UNC13C: variants seen among roughly 807,000 people sequenced by gnomAD.
UNC13C encodes the protein protein unc-13 homolog C.
UNC13C carries 174 observed loss-of-function variants against 245.4 expected under a neutral mutation model. The observed-to-expected ratio is 0.71, with a 90% CI of 0.63 to 0.80. The LOEUF (loss-of-function observed/expected upper bound fraction) is 0.80, where lower values mean the gene tolerates loss of function less well. Among genes scored for constraint, UNC13C ranks in the 30% least tolerant of loss-of-function variants. The probability of loss-of-function intolerance (pLI) is 0.00; values close to 1 mark genes in which losing one functional copy is unlikely to be tolerated. For synonymous variants in UNC13C, 992 were observed against 895.1 expected (o/e 1.11, Z -1.93); for missense variants, 2,829 against 2,602.9 (o/e 1.09, Z -1.89).
chr15:54,481,374 C>G (rs1307620731), intron 19 of UNC13C, among the ~76,000 whole-genome samples: 1 of 151,938 alleles, frequency 6.6e-6, no homozygotes, highest in Non-Finnish European at 1.5e-5. Flanking sequence ...GAGAAACACA[C>G]TTGGGTGCAG....
At chr15:54,310,159 A>G (rs1008348034) in intron 13 of UNC13C, among the ~76,000 whole-genome samples, 2 of 151,594 alleles carry the variant, frequency 1.3e-5, no homozygotes, top group African/African-American at 4.8e-5. Context: ...TGAGTCAGTC[A>G]TTTTTAATTA....
chr15:54,436,098 G>A (rs1298261594), intron 19 of UNC13C, among the ~76,000 whole-genome samples: 1 of 152,012 alleles, frequency 6.6e-6, no homozygotes, highest in Non-Finnish European at 1.5e-5. Flanking sequence ...ATGCTGGAGA[G>A]GATGTGGAGA....
the UNC13C span, among the ~76,000 whole-genome samples, chr15:53,959,891 C>G: frequency 6.6e-6 from 1 of 152,126 alleles, no homozygotes; most frequent in Non-Finnish European, 1.5e-5. Context: ...ATTGAAGAAG[C>G]AGATTTTTAC....
chr15:53,921,675 C>T, the UNC13C span, among the ~76,000 whole-genome samples: 3 of 152,174 alleles, frequency 2.0e-5, no homozygotes, highest in Admixed American at 6.5e-5. Context: ...TGCCCTTACC[C>T]TCTGGCATGG....
At chr15:54,375,849 G>A (rs766675658) in intron 17 of UNC13C, among the ~76,000 whole-genome samples, 5 of 152,156 alleles carry the variant, frequency 3.3e-5, no homozygotes, top group Non-Finnish European at 7.3e-5. Context: ...AGCTGTGCCT[G>A]GACTCTTGAC....
chr15:54,500,715 A>G, intron 21 of UNC13C, 120 bp from the exon 22 acceptor site: 1 of 785,012 alleles, frequency 1.3e-6, no homozygotes, highest in Admixed American at 2.9e-5. Flanking sequence ...TAAGCATTTT[A>G]TTACTGGGAA....
chr15:53,922,057 G>A, the UNC13C span, among the ~76,000 whole-genome samples: 1 of 152,170 alleles, frequency 6.6e-6, no homozygotes, highest in South Asian at 2.1e-4. Flanking sequence ...TAGCATTTAT[G>A]TTTGTAAGCA....
intron 2 of UNC13C, among the ~76,000 whole-genome samples, chr15:54,071,929 C>T (rs1346204858): frequency 6.6e-6 from 1 of 152,138 alleles, no homozygotes; most frequent in Admixed American, 6.5e-5. Context: ...TCTCTGGCTC[C>T]TCACTTGGTT....
intron 19 of UNC13C, among the ~76,000 whole-genome samples, chr15:54,463,799 C>T (rs112289514): frequency 1.3e-5 from 2 of 152,018 alleles, no homozygotes; most frequent in South Asian, 2.1e-4. Flanking sequence ...GTAGGATGCT[C>T]GTCAAAAGGC....
chr15:54,046,478 A>T (rs1897041853), intron 2 of UNC13C, among the ~76,000 whole-genome samples: 1 of 152,158 alleles, frequency 6.6e-6, no homozygotes, highest in African/African-American at 2.4e-5. Context: ...TTTATTGTGA[A>T]TGAAATCAAT....
At chr15:54,005,904 G>T (rs1369106095) in intron 1 of UNC13C, among the ~76,000 whole-genome samples, 1 of 152,130 alleles carries the variant, frequency 6.6e-6, no homozygotes, top group Admixed American at 6.6e-5. Flanking sequence ...GAAATTAGAT[G>T]GGATATTTAA....
chr15:54,011,056 A>T (rs1595709615), intron 1 of UNC13C, among the ~76,000 whole-genome samples: 2 of 152,188 alleles, frequency 1.3e-5, no homozygotes, highest in Admixed American at 6.5e-5. Context: ...GAGTTTAAAC[A>T]TAATTTTTAC....
intron 19 of UNC13C, among the ~76,000 whole-genome samples, chr15:54,451,812 G>A (rs542898936): frequency 2.6e-5 from 4 of 152,124 alleles, no homozygotes; most frequent in African/African-American, 7.2e-5. Context: ...TTTTTTGGAA[G>A]TGTCATATTT....
chr15:54,139,066 T>A (rs575458985), intron 2 of UNC13C, among the ~76,000 whole-genome samples: 1 of 149,294 alleles, frequency 6.7e-6, no homozygotes, highest in Non-Finnish European at 1.5e-5. Context: ...TTCAAGCGAT[T>A]CTTGTGCCTC....
intron 4 of UNC13C, among the ~76,000 whole-genome samples, chr15:54,200,029 G>A (rs1441444142): frequency 2.6e-5 from 4 of 151,984 alleles, no homozygotes; most frequent in African/African-American, 7.2e-5. Context: ...ACTAGGAGTA[G>A]CTATTCTTAT....
chr15:54,568,993 G>C (rs144823993), intron 30 of UNC13C, among the ~76,000 whole-genome samples: 115 of 152,122 alleles, frequency 7.6e-4, no homozygotes, highest in African/African-American at 2.5e-3. Flanking sequence ...GGGAAAAGTC[G>C]AGCTCATGAG....
intron 1 of UNC13C, among the ~76,000 whole-genome samples, chr15:54,003,359 C>T (rs1441500492): frequency 6.6e-6 from 1 of 152,064 alleles, no homozygotes; most frequent in Non-Finnish European, 1.5e-5. Context: ...GAAAATGTTG[C>T]AAAGATTGAA....
chr15:54,608,608 C>A (rs1255025596), intron 30 of UNC13C, among the ~76,000 whole-genome samples: 11 of 152,148 alleles, frequency 7.2e-5, no homozygotes, highest in Admixed American at 7.2e-4. Context: ...ATGAAGAAAT[C>A]ATGTTTGTTT....
At chr15:54,468,786 A>G (rs1892307840) in intron 19 of UNC13C, among the ~76,000 whole-genome samples, 2 of 151,538 alleles carry the variant, frequency 1.3e-5, no homozygotes, top group African/African-American at 4.8e-5. Context: ...TGGGCTCTCT[A>G]TCCTGTTCCA....
Sources: allele counts gnomAD v4.1 joint callset (sites outside exome capture counted in the v4.1 genomes callset), GRCh38; gene constraint gnomAD v4.1.1; transcripts MANE v1.5; gene names NCBI Gene and HGNC (gene_info 2026-07-23, HGNC 2026-07-21).